RALGAPB: variants seen among roughly 807,000 people sequenced by gnomAD.
The protein encoded by RALGAPB is ral GTPase-activating protein subunit beta.
RALGAPB carries 25 observed loss-of-function variants against 161.1 expected under a neutral mutation model. That is an observed-to-expected ratio of 0.16 (90% CI 0.11 to 0.22). The LOEUF is 0.22. Ranked by LOEUF, RALGAPB falls within the 10% of genes least tolerant of loss-of-function variation. The pLI is 1.00. For missense variants in RALGAPB, 1,391 were observed against 1,815.2 expected, an observed-to-expected ratio of 0.77 and a Z score of 4.25; for synonymous variants, 629 against 626.1, an observed-to-expected ratio of 1.00 and a Z score of -0.07.
chr20:38,555,367 C>T (rs990747918), intron 22 of RALGAPB, among the ~76,000 whole-genome samples: 3 of 151,912 alleles, frequency 2.0e-5, no homozygotes, highest in African/African-American at 4.8e-5. Context: ...CAGCATGTAG[C>T]GGGAAAATTT....
intron 25 of RALGAPB, 49 bp downstream of exon 25, chr20:38,565,527 C>T (rs1328073813): frequency 1.3e-6 from 2 of 1,589,064 alleles, no homozygotes; most frequent in Non-Finnish European, 8.6e-7. Context: ...TTTTATATTC[C>T]TGGGTTGTGT....
At chr20:38,530,480 T>A (rs974300542) in intron 13 of RALGAPB, among the ~76,000 whole-genome samples, 1 of 152,018 alleles carries the variant, frequency 6.6e-6, no homozygotes, top group Non-Finnish European at 1.5e-5. Context: ...GGTCTCAAAC[T>A]CCTAGGACTT....
At chr20:38,506,547 G>T (rs1337208628) in intron 5 of RALGAPB, among the ~76,000 whole-genome samples, 3 of 152,154 alleles carry the variant, frequency 2.0e-5, no homozygotes, top group Non-Finnish European at 2.9e-5. Context: ...TCCTGCCTTG[G>T]CCTCCCAAAG....
chr20:38,535,357 C>T (rs1241601650), intron 16 of RALGAPB, 150 bp downstream of exon 16: 3 of 957,918 alleles, frequency 3.1e-6, no homozygotes, highest in Non-Finnish European at 3.0e-6. Flanking sequence ...ATTTAGCCTC[C>T]AAGTGATATT....
intron 13 of RALGAPB, among the ~76,000 whole-genome samples, chr20:38,527,307 T>A (rs1312947196): frequency 6.6e-6 from 1 of 152,142 alleles, no homozygotes; most frequent in Admixed American, 6.5e-5. Flanking sequence ...CTTGAAATGG[T>A]TTCTAAAAGG....
intron 11 of RALGAPB, 135 bp downstream of exon 11, chr20:38,525,080 T>C: frequency 1.1e-6 from 1 of 893,780 alleles, no homozygotes; most frequent in East Asian, 2.4e-5. Flanking sequence ...ATTAAATGAG[T>C]GTAGTGTGTC....
intron 9 of RALGAPB, among the ~76,000 whole-genome samples, chr20:38,519,347 A>G (rs1287426629): frequency 6.6e-6 from 1 of 152,074 alleles, no homozygotes; most frequent in Non-Finnish European, 1.5e-5. Flanking sequence ...TACCATGTTT[A>G]TATTTATTAA....
At chr20:38,480,837 A>G (rs1218535582) in intron 1 of RALGAPB, among the ~76,000 whole-genome samples, 1 of 141,172 alleles carries the variant, frequency 7.1e-6, no homozygotes, top group Non-Finnish European at 1.5e-5. Context: ...TCCCAGGTTC[A>G]CACCGTTCTC....
At chr20:38,488,363 A>G (rs535519891) in intron 1 of RALGAPB, 40 bp from the exon 2 acceptor site, 68 of 1,264,296 alleles carry the variant, frequency 5.4e-5, no homozygotes, top group Middle Eastern at 2.0e-4. Flanking sequence ...TTAATTTCCA[A>G]TAGTATAATT....
Position 38,495,175 on chromosome 20 carries a change from T to C in RALGAPB, c.389+2043T>C, listed in dbSNP as rs1261240461. Among the ~76,000 whole-genome samples the C allele has an allele frequency of 2.0e-5, 3 of 152,276 alleles. No homozygotes were observed. In the East Asian group the frequency reaches 5.8e-4, roughly 29 times the overall value. The stretch of plus-strand genomic sequence containing the variant: ...TCTGATAGTTCACAAAACTGTCATC[T>C]AAGTTTACTTAATTAGTTGTTTTTA... On this transcript the variant is annotated intron_variant, in intron 3 of 29. Transcript: ENST00000262879.
intron 18 of RALGAPB, among the ~76,000 whole-genome samples, chr20:38,543,607 G>T (rs1337569468): frequency 6.6e-6 from 1 of 152,168 alleles, no homozygotes; most frequent in Non-Finnish European, 1.5e-5. Flanking sequence ...GGCACCATCT[G>T]ATCTTTTCCA....
chr20:38,539,726 T>C (rs1378412923), intron 16 of RALGAPB, 50 bp from the exon 17 acceptor site: 2 of 1,572,722 alleles, frequency 1.3e-6, no homozygotes, highest in Middle Eastern at 1.7e-4. Context: ...TTGAAATTGG[T>C]ACAGTAATTC....
intron 15 of RALGAPB, among the ~76,000 whole-genome samples, chr20:38,533,090 A>G (rs1160744270): frequency 6.6e-6 from 1 of 152,204 alleles, no homozygotes; most frequent in Admixed American, 6.5e-5. Flanking sequence ...TATAATTGAT[A>G]GTAATGGGTG....
chr20:38,537,387 C>A (rs1300262162), intron 16 of RALGAPB, among the ~76,000 whole-genome samples: 1 of 152,058 alleles, frequency 6.6e-6, no homozygotes, highest in Non-Finnish European at 1.5e-5. Flanking sequence ...GCCTATAATC[C>A]CAGCACTTTG....
At chr20:38,496,467 C>A (rs1198693691) in intron 3 of RALGAPB, among the ~76,000 whole-genome samples, 1 of 152,130 alleles carries the variant, frequency 6.6e-6, no homozygotes, top group Non-Finnish European at 1.5e-5. Flanking sequence ...TTAGATACTT[C>A]TCTTGGGTTT....
At chr20:38,487,717 T>C (rs1181811078) in intron 1 of RALGAPB, among the ~76,000 whole-genome samples, 1 of 152,166 alleles carries the variant, frequency 6.6e-6, no homozygotes, top group Non-Finnish European at 1.5e-5. Flanking sequence ...TCTAGGAGAC[T>C]ACATATTCAC....
chr20:38,524,823 G>T lies in RALGAPB; in HGVS notation c.1665G>T (p.Val555=). The T allele has an allele frequency of 6.2e-7, 1 of 1,609,318 alleles. No homozygotes were observed. The highest frequency in any genetic ancestry group is 8.5e-7 in the Non-Finnish European group (1 of 1,175,666). The change falls in exon 11 of 30, where the codon GTG becomes GTT. Residue 555 remains valine, a synonymous_variant. Coordinates refer to ENST00000262879, the MANE Select transcript of RALGAPB (RefSeq NM_020336.4). ...AAGGTTTGCAGATAAATGATTATGT[G>T]TGCCATCCTGTCTTGGCCAGCGTTA... ...LIQGLQINDY[V]CHPVLASVIL... is the part of the protein sequence containing the mutation.
At chr20:38,541,288 C>T (rs1325688347) in intron 18 of RALGAPB, 96 bp downstream of exon 18, 18 of 1,190,400 alleles carry the variant, frequency 1.5e-5, no homozygotes, top group African/African-American at 6.1e-5. Flanking sequence ...TTCAGCATTG[C>T]GTGATGCAGC....
chr20:38,558,805 C>T (rs902848362), intron 23 of RALGAPB, among the ~76,000 whole-genome samples: 1 of 152,156 alleles, frequency 6.6e-6, no homozygotes, highest in Non-Finnish European at 1.5e-5. Flanking sequence ...TGGTGACACA[C>T]AGTCTAGAGT....
Sources: gnomAD v4.1 joint callset for allele counts (sites outside exome capture counted in the v4.1 genomes callset) on GRCh38, gnomAD v4.1.1 for gene constraint, MANE v1.5 for transcripts, NCBI Gene and HGNC (gene_info 2026-07-23, HGNC 2026-07-21) for gene names.